MACROD2: variants seen among roughly 807,000 people sequenced by gnomAD.
The protein encoded by MACROD2 is ADP-ribose glycohydrolase MACROD2.
In MACROD2, 36 loss-of-function variants were observed where a neutral mutation model predicts 70.4. That is an observed-to-expected ratio of 0.51 (90% CI 0.39 to 0.68). MACROD2 has a LOEUF of 0.68. Among genes scored for constraint, MACROD2 ranks in the 30% least tolerant of loss-of-function variants. The probability of loss-of-function intolerance (pLI) is 0.00; values close to 1 mark genes in which losing one functional copy is unlikely to be tolerated. For synonymous variants in MACROD2, 172 were observed against 178.8 expected (o/e 0.96, Z 0.30); for missense variants, 496 against 538.4 (o/e 0.92, Z 0.78).
intron 6 of MACROD2, among the ~76,000 whole-genome samples, chr20:15,279,801 G>C (rs113390341): frequency 7.2e-5 from 11 of 152,218 alleles, no homozygotes; most frequent in African/African-American, 2.6e-4. Flanking sequence ...CCTATGCTAA[G>C]GGCTTTGTAG....
At chr20:14,448,381 T>A (rs1174780056) in intron 3 of MACROD2, among the ~76,000 whole-genome samples, 1 of 151,900 alleles carries the variant, frequency 6.6e-6, no homozygotes, top group Non-Finnish European at 1.5e-5. Flanking sequence ...GTGAATGGAT[T>A]TTTTAAACAG....
chr20:15,456,042 T>C (rs2046720633), intron 7 of MACROD2, among the ~76,000 whole-genome samples: 1 of 152,346 alleles, frequency 6.6e-6, no homozygotes, highest in East Asian at 1.9e-4. Flanking sequence ...AGTGGGCTTT[T>C]AACCATTTCC....
At chr20:14,109,856 C>T (rs1293077720) in intron 3 of MACROD2, among the ~76,000 whole-genome samples, 1 of 151,638 alleles carries the variant, frequency 6.6e-6, no homozygotes, top group East Asian at 1.9e-4. Flanking sequence ...TCAAACTCTT[C>T]TGAAAGTCAT....
Position 15,326,099 on chromosome 20 carries a change from AT to A in MACROD2, c.540+96042del, listed in dbSNP as rs142207366. On this transcript the variant is annotated intron_variant, in intron 6 of 17. Transcript: ENST00000684519. Reference sequence around the variant, plus strand: ...GTAGGCAATCAGGACTGTTTTTCATATTTTCAGAGATGCTGAAAATACATTT... The same window carrying A: ...GTAGGCAATCAGGACTGTTTTTCATATTTCAGAGATGCTGAAAATACATTT... Among the ~76,000 whole-genome samples, 1,390 of 152,228 alleles carry A rather than the reference AT, an allele frequency of 9.1e-3. 27 individuals carry two copies. Among genetic ancestry groups the A allele is most frequent in the African/African-American group, 0.032 (1,322 of 41,550 alleles).
chr20:14,933,175 A>C (rs929617162), intron 5 of MACROD2, among the ~76,000 whole-genome samples: 5 of 152,118 alleles, frequency 3.3e-5, no homozygotes, highest in African/African-American at 1.2e-4. Flanking sequence ...CCCTTTATAC[A>C]TACTGGAAAT....
intron 5 of MACROD2, among the ~76,000 whole-genome samples, chr20:14,741,928 A>G (rs979551573): frequency 1.3e-5 from 2 of 152,164 alleles, no homozygotes; most frequent in Admixed American, 6.5e-5. Context: ...CTGTCATCAT[A>G]CACTTCTTCA....
At chr20:15,059,944 A>AAATAGT (rs2075518554) in intron 5 of MACROD2, among the ~76,000 whole-genome samples, 1 of 152,232 alleles carries the variant, frequency 6.6e-6, no homozygotes. Context: ...ATGACACTAG[A>AAATAGT]AATAGTAAAG....
intron 8 of MACROD2, among the ~76,000 whole-genome samples, chr20:15,626,253 T>C (rs2049201356): frequency 6.6e-6 from 1 of 152,228 alleles, no homozygotes; most frequent in South Asian, 2.1e-4. Context: ...GAGATTATTC[T>C]GACATTAGAG....
Position 15,813,799 on chromosome 20 carries a change from A to G in MACROD2, c.646-48946A>G, listed in dbSNP as rs866682738. On this transcript the variant is annotated intron_variant, in intron 8 of 17. Transcript: ENST00000684519. ...CCCGTCTCAAAACAACAACAACACAATATCTTGAACTTCAGATGTTTTAAT... is the reference window on the plus strand; with the variant it reads ...CCCGTCTCAAAACAACAACAACACAGTATCTTGAACTTCAGATGTTTTAAT... Among the ~76,000 whole-genome samples the G allele has an allele frequency of 3.3e-5, 5 of 152,204 alleles. No homozygotes were observed. The South Asian group carries it at 8.3e-4, about 25-fold the overall frequency.
At chr20:15,954,382 G>T (rs1033675931) in intron 12 of MACROD2, among the ~76,000 whole-genome samples, 1 of 151,968 alleles carries the variant, frequency 6.6e-6, no homozygotes, top group Non-Finnish European at 1.5e-5. Flanking sequence ...TCATCTTTTT[G>T]GTAAAGCCAC....
At chr20:14,835,271 T>TGAA (rs916628825) in intron 5 of MACROD2, among the ~76,000 whole-genome samples, 2 of 152,040 alleles carry the variant, frequency 1.3e-5, no homozygotes, top group Non-Finnish European at 2.9e-5. Flanking sequence ...AGAGGATACA[T>TGAA]GAAGACATAT....
intron 5 of MACROD2, among the ~76,000 whole-genome samples, chr20:15,095,049 C>A (rs1260190896): frequency 7.7e-6 from 1 of 130,546 alleles, no homozygotes; most frequent in African/African-American, 2.8e-5. Context: ...TATCTTTTCA[C>A]TGTGGTCTCC....
chr20:14,327,380 A>G, intron 3 of MACROD2: 1 of 1,613,738 alleles, frequency 6.2e-7, no homozygotes, highest in Non-Finnish European at 8.5e-7. Context: ...TCATTACAGT[A>G]AATGAAACCC....
intron 5 of MACROD2, among the ~76,000 whole-genome samples, chr20:15,003,024 G>T (rs549583049): frequency 1.4e-4 from 21 of 152,220 alleles, no homozygotes; most frequent in Admixed American, 2.0e-4. Context: ...GATTGGTTTT[G>T]CTAACAGTAA....
chr20:14,768,928 A>G (rs942679600), intron 5 of MACROD2, among the ~76,000 whole-genome samples: 1 of 152,108 alleles, frequency 6.6e-6, no homozygotes, highest in African/African-American at 2.4e-5. Context: ...AGAAGAAGTA[A>G]GGAGGTTTTG....
chr20:15,052,396 C>T (rs1175902672), intron 5 of MACROD2, among the ~76,000 whole-genome samples: 1 of 152,178 alleles, frequency 6.6e-6, no homozygotes, highest in Non-Finnish European at 1.5e-5. Context: ...AGCCTATTGG[C>T]ACCACTTTTT....
At chr20:15,595,280 T>C (rs1389260370) in intron 8 of MACROD2, among the ~76,000 whole-genome samples, 1 of 152,196 alleles carries the variant, frequency 6.6e-6, no homozygotes, top group East Asian at 1.9e-4. Flanking sequence ...TACGTATAGT[T>C]CACAATTAAA....
intron 2 of MACROD2, among the ~76,000 whole-genome samples, chr20:14,049,195 A>AAAAAAC (rs2053526447): frequency 6.6e-6 from 1 of 151,562 alleles, no homozygotes; most frequent in Admixed American, 6.6e-5. Flanking sequence ...AAAAACAAAA[A>AAAAAAC]AACAAAAAAG....
intron 5 of MACROD2, among the ~76,000 whole-genome samples, chr20:14,689,356 G>C (rs1388376165): frequency 6.6e-6 from 1 of 152,156 alleles, no homozygotes; most frequent in East Asian, 1.9e-4. Context: ...TATGGGCACA[G>C]ATTCTTCTTT....
Sources: allele counts gnomAD v4.1 joint callset (sites outside exome capture counted in the v4.1 genomes callset), GRCh38; gene constraint gnomAD v4.1.1; transcripts MANE v1.5; gene names NCBI Gene and HGNC (gene_info 2026-07-23, HGNC 2026-07-21).